The following PLCL1 variants were observed in gnomAD, a reference collection of about 807,000 sequenced individuals.
PLCL1 encodes inactive phospholipase C-like protein 1.
A neutral mutation model predicts 84.4 loss-of-function variants in PLCL1; 41 were observed. That is an observed-to-expected ratio of 0.49 (90% CI 0.38 to 0.63). The LOEUF is 0.63. PLCL1 is among the 30% of genes least tolerant of loss of function. PLCL1 has a pLI of 0.00. For missense variants in PLCL1, 1,206 were observed against 1,367.8 expected, an observed-to-expected ratio of 0.88 and a Z score of 1.87; for synonymous variants, 490 against 488.3, an observed-to-expected ratio of 1.00 and a Z score of -0.05.
At chr2:197,821,491 G>A (rs970982518) in intron 1 of PLCL1, among the ~76,000 whole-genome samples, 4 of 152,282 alleles carry the variant, frequency 2.6e-5, no homozygotes, top group East Asian at 1.9e-4. Context: ...TCTCTGCTCC[G>A]TAAAGTAATT....
intron 1 of PLCL1, among the ~76,000 whole-genome samples, chr2:197,991,865 G>A (rs1353198370): frequency 6.6e-6 from 1 of 152,090 alleles, no homozygotes; most frequent in African/African-American, 2.4e-5. Flanking sequence ...GGAGCTGAAA[G>A]CACCCACTGT....
chr2:197,916,773 A>G (rs1688608201), intron 1 of PLCL1, among the ~76,000 whole-genome samples: 1 of 152,088 alleles, frequency 6.6e-6, no homozygotes, highest in Non-Finnish European at 1.5e-5. Context: ...CTAAAAAGTT[A>G]TTACCTGCTC....
intron 1 of PLCL1, among the ~76,000 whole-genome samples, chr2:197,923,303 C>A (rs865959298): frequency 6.9e-6 from 1 of 144,964 alleles, no homozygotes; most frequent in Non-Finnish European, 1.5e-5. Flanking sequence ...CGGGCGGAGA[C>A]GCTCCTCACT....
intron 1 of PLCL1, among the ~76,000 whole-genome samples, chr2:198,022,640 C>A (rs1691165788): frequency 6.6e-6 from 1 of 152,110 alleles, no homozygotes; most frequent in Admixed American, 6.5e-5. Context: ...AGCAAACTCC[C>A]ATTCACAATT....
At chr2:197,881,919 T>C (rs970041002) in intron 1 of PLCL1, among the ~76,000 whole-genome samples, 5 of 152,086 alleles carry the variant, frequency 3.3e-5, no homozygotes, top group Admixed American at 6.6e-5. Context: ...CTTAGATACT[T>C]GTTATTTAAT....
Position 198,066,851 on chromosome 2 carries a change from G to A in PLCL1, c.241-16907G>A, listed in dbSNP as rs566805315. On this transcript the variant is annotated intron_variant, in intron 1 of 5. Coordinates refer to ENST00000428675, the MANE Select transcript of PLCL1 (RefSeq NM_006226.4). ...TGCCTAGCTTGTGTTAGTTCCTCAG[G>A]GGATGCGTAGTACCCCACTCCAGTC... Among the ~76,000 whole-genome samples, 14 of 152,016 alleles carry A rather than the reference G, an allele frequency of 9.2e-5. No homozygotes were observed. In the South Asian group the frequency reaches 2.9e-3, roughly 32 times the overall value.
intron 1 of PLCL1, among the ~76,000 whole-genome samples, chr2:197,904,968 G>C (rs1688347489): frequency 6.6e-6 from 1 of 152,128 alleles, no homozygotes; most frequent in Non-Finnish European, 1.5e-5. Context: ...TTTGTAGGTA[G>C]CCAAAACTTT....
At chr2:197,851,703 C>T (rs921955685) in intron 1 of PLCL1, among the ~76,000 whole-genome samples, 4 of 152,142 alleles carry the variant, frequency 2.6e-5, no homozygotes, top group Non-Finnish European at 5.9e-5. Context: ...TTCTCTTACC[C>T]CTCACCTGCA....
chr2:197,813,349 TTGGAAG>T (rs1430120692), intron 1 of PLCL1, among the ~76,000 whole-genome samples: 2 of 152,112 alleles, frequency 1.3e-5, no homozygotes, highest in Non-Finnish European at 2.9e-5. Context: ...TGACTAATGT[TTGGAAG>T]TGGGAGTGGG....
intron 3 of PLCL1, among the ~76,000 whole-genome samples, chr2:198,090,749 A>G (rs954602434): frequency 5.9e-5 from 9 of 152,214 alleles, no homozygotes; most frequent in African/African-American, 1.9e-4. Flanking sequence ...ACTAGTTGCC[A>G]TAGAGACAGA....
intron 3 of PLCL1, among the ~76,000 whole-genome samples, chr2:198,099,250 TG>T (rs1184259228): frequency 6.6e-6 from 1 of 152,070 alleles, no homozygotes; most frequent in Non-Finnish European, 1.5e-5. Context: ...TTTTGCGCTT[TG>T]TATTTTATTT....
chr2:198,030,923 G>A (rs1574259718), intron 1 of PLCL1, among the ~76,000 whole-genome samples: 1 of 152,212 alleles, frequency 6.6e-6, no homozygotes, highest in South Asian at 2.1e-4. Context: ...AGTCTGCTAA[G>A]GATTTCCTTT....
chr2:197,871,654 GTGGGAAA>G (rs1389382874), intron 1 of PLCL1, among the ~76,000 whole-genome samples: 1 of 152,090 alleles, frequency 6.6e-6, no homozygotes, highest in Non-Finnish European at 1.5e-5. Context: ...TTTGGTGACT[GTGGGAAA>G]TCCTTGGCAT....
chr2:198,085,624 G>A lies in PLCL1; in HGVS notation c.2107G>A (p.Glu703Lys). The A allele has an allele frequency of 6.2e-7, 1 of 1,614,140 alleles. No homozygotes were observed. The highest frequency in any genetic ancestry group is 8.5e-7 in the Non-Finnish European group (1 of 1,179,990). Residue 703 changes from glutamate (E) to lysine (K), a missense_variant, in exon 2 of 6, where the codon GAA (glutamate) becomes AAA (lysine). Glu to Lys is a moderately conservative substitution (Grantham distance 56, BLOSUM62 1). Transcript: ENST00000428675. This position sits in a 1 kb window ranked among gnomAD's most constrained non-coding sequence, Gnocchi z 5.3. ...YVLRPSIMRD[E>K]VSYFSANTKG... ...TCTAAGGCCGTCTATAATGCGAGAT[G>A]AAGTTTCTTACTTCAGCGCAAATAC...
In PLCL1 at chr2:198,035,316, T is replaced by G. The variant is rs994411059; in HGVS notation, c.241-48442T>G. Among the ~76,000 whole-genome samples the G allele has an allele frequency of 3.9e-5, 6 of 152,230 alleles. 1 individual carries two copies. The highest frequency in any genetic ancestry group is 2.6e-4 in the Admixed American group (4 of 15,284). On this transcript the variant is annotated intron_variant, in intron 1 of 5. Coordinates refer to ENST00000428675, the MANE Select transcript of PLCL1 (RefSeq NM_006226.4). ...AATCTAATTGCCTAGCTGTATCCTCTGACAGGATAAAGAAGCAATGATAAT... is the reference window on the plus strand; with the variant it reads ...AATCTAATTGCCTAGCTGTATCCTCGGACAGGATAAAGAAGCAATGATAAT...
At chr2:198,120,969 C>T (rs12472100) in intron 5 of PLCL1, among the ~76,000 whole-genome samples, 2 of 151,722 alleles carry the variant, frequency 1.3e-5, no homozygotes, top group African/African-American at 4.8e-5. Flanking sequence ...TCCATATCTT[C>T]GCCAGCATTT....
chr2:198,137,720 C>T (rs1694289189), intron 5 of PLCL1, among the ~76,000 whole-genome samples: 1 of 152,154 alleles, frequency 6.6e-6, no homozygotes, highest in African/African-American at 2.4e-5. Context: ...GGAGGCTTGT[C>T]TAATCTCCTA....
At chr2:198,039,772 CTGAACATCTA>C (rs1691617950) in intron 1 of PLCL1, among the ~76,000 whole-genome samples, 1 of 152,230 alleles carries the variant, frequency 6.6e-6, no homozygotes, top group Admixed American at 6.5e-5. Context: ...GACTGGCTCA[CTGAACATCTA>C]TGAGTCAGGT....
chr2:197,815,953 T>C (rs1445054861), intron 1 of PLCL1, among the ~76,000 whole-genome samples: 1 of 152,146 alleles, frequency 6.6e-6, no homozygotes, highest in Admixed American at 6.5e-5. Flanking sequence ...GTTCTGAGCA[T>C]TGAAATGACA....
Sources: allele counts gnomAD v4.1 joint callset (sites outside exome capture counted in the v4.1 genomes callset), GRCh38; gene constraint gnomAD v4.1.1; non-coding constraint Gnocchi (gnomAD v3.1); transcripts MANE v1.5; gene names NCBI Gene and HGNC (gene_info 2026-07-23, HGNC 2026-07-21).